The following TANGO6 variants were observed in gnomAD, a reference collection of about 807,000 sequenced individuals.
TANGO6 encodes the protein transport and golgi organization 6 homolog, also known as transport and Golgi organization protein 6 homolog.
In TANGO6, 90 loss-of-function variants were observed where a neutral mutation model predicts 114.2. The observed-to-expected ratio is 0.79, with a 90% CI of 0.66 to 0.94. The LOEUF is 0.94. TANGO6 is among the 40% of genes least tolerant of loss of function. The pLI is 0.00. For missense variants in TANGO6, 1,274 were observed against 1,315.3 expected (o/e 0.97, Z 0.49); for synonymous variants, 477 against 509.8 (o/e 0.94, Z 0.87).
At chr16:68,947,019 C>G (rs561423055) in intron 14 of TANGO6, among the ~76,000 whole-genome samples, 3 of 152,214 alleles carry the variant, frequency 2.0e-5, no homozygotes, top group African/African-American at 7.2e-5. Flanking sequence ...GAGTTAAGTT[C>G]GTTTTTCAAG....
intron 1 of TANGO6, among the ~76,000 whole-genome samples, chr16:68,850,972 T>G (rs150663713): frequency 6.0e-4 from 92 of 152,316 alleles, no homozygotes; most frequent in African/African-American, 2.1e-3. Context: ...TTAGATACAG[T>G]TATCCATGTT....
At chr16:69,082,289 A>C (rs1470302344) in intron 17 of TANGO6, among the ~76,000 whole-genome samples, 3 of 151,594 alleles carry the variant, frequency 2.0e-5, no homozygotes. Flanking sequence ...TTTTTGGTAG[A>C]GACAGGGTTT....
intron 11 of TANGO6, among the ~76,000 whole-genome samples, chr16:68,915,862 A>G (rs2152189216): frequency 6.6e-6 from 1 of 152,332 alleles, no homozygotes; most frequent in Non-Finnish European, 1.5e-5. Context: ...TGTCCAGAGA[A>G]TTAAACATGC....
At chr16:68,972,362 G>A (rs981501536) in intron 14 of TANGO6, among the ~76,000 whole-genome samples, 2 of 152,084 alleles carry the variant, frequency 1.3e-5, no homozygotes, top group Admixed American at 6.6e-5. Flanking sequence ...TGATTTAGAA[G>A]AGAATGGAAT....
intron 15 of TANGO6, among the ~76,000 whole-genome samples, chr16:68,983,038 T>A (rs1169981782): frequency 1.3e-5 from 2 of 151,816 alleles, no homozygotes; most frequent in Non-Finnish European, 2.9e-5. Flanking sequence ...TTATTTTGAT[T>A]TTTTTTAGAG....
intron 12 of TANGO6, among the ~76,000 whole-genome samples, chr16:68,919,761 G>A (rs1385917481): frequency 1.3e-5 from 2 of 152,054 alleles, no homozygotes; most frequent in East Asian, 3.8e-4. Context: ...CATATTGGCC[G>A]GGTGCGGTGG....
intron 17 of TANGO6, among the ~76,000 whole-genome samples, chr16:69,059,864 A>T (rs1042635447): frequency 3.9e-5 from 6 of 152,152 alleles, no homozygotes; most frequent in African/African-American, 1.4e-4. Context: ...ATAATTTTTC[A>T]GTGGTTTCTT....
In TANGO6 at chr16:68,900,553, A is replaced by G; in HGVS notation, c.1490+7A>G. 3 of 1,591,142 alleles carry G rather than the reference A, an allele frequency of 1.9e-6. No homozygotes were observed. The highest frequency in any genetic ancestry group is 2.6e-6 in the Non-Finnish European group (3 of 1,161,336). The stretch of plus-strand genomic sequence containing the variant: ...AGAGTGTGTCTCACATAAGGTAAAC[A>G]ATCAAGGGACCCTTATTTGTTTATA... On this transcript the variant is annotated splice_region_variant and intron_variant, in intron 8 of 17. Transcript: ENST00000261778.
At chr16:69,001,596 G>A (rs1964043745) in intron 15 of TANGO6, among the ~76,000 whole-genome samples, 1 of 152,060 alleles carries the variant, frequency 6.6e-6, no homozygotes, top group Non-Finnish European at 1.5e-5. Flanking sequence ...ATTAAAGCCT[G>A]CATTTCTAGG....
At chr16:68,902,049 CAAAAA>C (rs747586789) in intron 8 of TANGO6, among the ~76,000 whole-genome samples, 2 of 79,778 alleles carry the variant, frequency 2.5e-5, no homozygotes, top group Admixed American at 1.4e-4. Flanking sequence ...TTGGAATTAC[CAAAAA>C]AAAAAAAAAA....
chr16:68,963,860 A>G (rs7201123), intron 14 of TANGO6, among the ~76,000 whole-genome samples: 13,226 of 152,088 alleles, frequency 0.087, 663 homozygotes, highest in African/African-American at 0.13. Flanking sequence ...GTTTTGTTCT[A>G]TTTACCCAGA....
At chr16:68,903,914 T>G (rs894095200) in intron 9 of TANGO6, among the ~76,000 whole-genome samples, 1 of 151,102 alleles carries the variant, frequency 6.6e-6, no homozygotes, top group African/African-American at 2.4e-5. Context: ...AGAGTGAGAC[T>G]CTGTCTCAAA....
chr16:69,042,014 T>G (rs1959781257), intron 17 of TANGO6, among the ~76,000 whole-genome samples: 1 of 152,184 alleles, frequency 6.6e-6, no homozygotes, highest in South Asian at 2.1e-4. Context: ...TTTTGTTTCT[T>G]ATTTTGGGGA....
At chr16:68,885,849 TG>T (rs1962532287) in intron 7 of TANGO6, among the ~76,000 whole-genome samples, 3 of 152,246 alleles carry the variant, frequency 2.0e-5, no homozygotes, top group Non-Finnish European at 4.4e-5. Flanking sequence ...CTATAAACAT[TG>T]GTGTATGCTA....
At chr16:69,027,943 A>G (rs1433672466) in intron 16 of TANGO6, among the ~76,000 whole-genome samples, 1 of 151,094 alleles carries the variant, frequency 6.6e-6, no homozygotes, top group Non-Finnish European at 1.5e-5. Context: ...ACCACACCCG[A>G]CTAATATTTG....
intron 1 of TANGO6, among the ~76,000 whole-genome samples, chr16:68,844,938 G>A (rs1411213479): frequency 2.6e-5 from 4 of 151,116 alleles, no homozygotes; most frequent in African/African-American, 9.7e-5. Flanking sequence ...GTTGCTAATC[G>A]AGAGGTCACT....
chr16:69,017,686 T>C (rs1462038359), intron 15 of TANGO6, among the ~76,000 whole-genome samples: 11 of 152,038 alleles, frequency 7.2e-5, no homozygotes, highest in Admixed American at 1.3e-4. Flanking sequence ...TGAGAGGTCA[T>C]CTTGTCTCAC....
intron 16 of TANGO6, among the ~76,000 whole-genome samples, chr16:69,039,699 T>C (rs1959744977): frequency 6.6e-6 from 1 of 152,214 alleles, no homozygotes; most frequent in South Asian, 2.1e-4. Context: ...TCCTATTCCA[T>C]ATTCAGGAAG....
At position 69,040,405 on chromosome 16, in the gene TANGO6, G is replaced by C; in HGVS notation, c.3092G>C (p.Ser1031Thr). 1 of 1,603,294 alleles carries C rather than the reference G, an allele frequency of 6.2e-7. No individual in the cohort carries two copies. Among genetic ancestry groups the C allele is most frequent in the Non-Finnish European group, 8.5e-7 (1 of 1,175,042 alleles). ...HVVVLLLRGL[S>T]QKATEVLSAV... is the part of the protein sequence containing the mutation. ...GTTGTGCTGCTGCTTCGGGGACTCAGCCAGAAAGCTACTGAGGTCAGTCCG... is the reference window on the plus strand; with the variant it reads ...GTTGTGCTGCTGCTTCGGGGACTCACCCAGAAAGCTACTGAGGTCAGTCCG... Residue 1031 changes from serine to threonine, a missense_variant, in exon 17 of 18, where the codon AGC (serine) becomes ACC (threonine). By Grantham distance (58) the Ser-to-Thr change is moderately conservative (BLOSUM62 1). This residue lies in a region of TANGO6 where 238 missense variants were observed against 252.9 expected (regional missense o/e 0.94). Coordinates refer to ENST00000261778, the MANE Select transcript of TANGO6 (RefSeq NM_024562.2).
Sources: allele counts gnomAD v4.1 joint callset (sites outside exome capture counted in the v4.1 genomes callset), GRCh38; gene constraint gnomAD v4.1.1; regional missense constraint gnomAD v4.1.1; transcripts MANE v1.5; gene names NCBI Gene and HGNC (gene_info 2026-07-23, HGNC 2026-07-21).